CHD6: variants seen among roughly 807,000 people sequenced by gnomAD.
CHD6 encodes the protein ATP-dependent chromatin remodeler CHD6.
Under a neutral mutation model 276.9 loss-of-function variants are expected in CHD6, and 50 were observed. That is an observed-to-expected ratio of 0.18 (90% confidence interval 0.14 to 0.23). The LOEUF (loss-of-function observed/expected upper bound fraction) is 0.23, where lower values mean the gene tolerates loss of function less well. CHD6 is among the 10% of genes least tolerant of loss of function. The pLI, the probability that CHD6 is intolerant of heterozygous loss-of-function variation, is 1.00. For synonymous variants in CHD6, 1,173 were observed against 1,229.3 expected (o/e 0.95, Z 0.96); for missense variants, 2,564 against 3,365.8 (o/e 0.76, Z 5.89).
intron 1 of CHD6, among the ~76,000 whole-genome samples, chr20:41,606,307 C>T (rs2146296534): frequency 6.6e-6 from 1 of 152,176 alleles, no homozygotes; most frequent in East Asian, 1.9e-4. Context: ...GTCAGGAGAT[C>T]AAGACCACCC....
intron 1 of CHD6, among the ~76,000 whole-genome samples, chr20:41,615,568 G>A (rs1463089425): frequency 6.6e-6 from 1 of 152,190 alleles, no homozygotes; most frequent in African/African-American, 2.4e-5. Flanking sequence ...ACTATTTCAA[G>A]CCTTCTTATA....
intron 35 of CHD6, among the ~76,000 whole-genome samples, chr20:41,412,490 C>A (rs1467977572): frequency 1.3e-5 from 2 of 152,218 alleles, no homozygotes; most frequent in East Asian, 3.8e-4. Context: ...TGGGCACCCC[C>A]GCCCTCCAGA....
At chr20:41,454,982 G>T (rs2048339974) in intron 19 of CHD6, among the ~76,000 whole-genome samples, 1 of 152,140 alleles carries the variant, frequency 6.6e-6, no homozygotes, top group African/African-American at 2.4e-5. Context: ...CTTAAGCTTG[G>T]AAGCAGGAAG....
chr20:41,590,730 G>A (rs577554802), intron 1 of CHD6, among the ~76,000 whole-genome samples: 2 of 152,222 alleles, frequency 1.3e-5, no homozygotes, highest in African/African-American at 2.4e-5. Flanking sequence ...GAGAGGATGT[G>A]GAGAAATAGG....
rs778867616 is a variant in CHD6, at chr20:41,417,285, A to T, written c.6192T>A (p.Ile2064=). ...KSSTSGITGD[I]GDELQEARAP... is the part of the protein sequence containing the mutation. The stretch of plus-strand genomic sequence containing the variant: ...CTCGAGCCTCCTGTAGCTCATCCCC[A>T]ATGTCTCCTGTGATGCCCGATGTTG... Residue 2064 remains isoleucine (I), a synonymous_variant, in exon 32 of 37, where the codon ATT becomes ATA. Coordinates refer to ENST00000373233, the MANE Select transcript of CHD6 (RefSeq NM_032221.5). 6.2e-7 allele frequency: 1 copy of T among 1,614,090 alleles called. No individual in the cohort carries two copies. The highest frequency in any genetic ancestry group is 8.5e-7 in the Non-Finnish European group (1 of 1,179,994).
chr20:41,485,740 T>TA (rs1289298403), intron 14 of CHD6: 1 of 152,108 alleles, frequency 6.6e-6, no homozygotes, highest in African/African-American at 2.4e-5. Context: ...AAATTTTAGT[T>TA]AGACAAGTGG....
intron 1 of CHD6, among the ~76,000 whole-genome samples, chr20:41,554,970 C>T (rs2045201278): frequency 6.6e-6 from 1 of 151,414 alleles, no homozygotes; most frequent in African/African-American, 2.4e-5. Context: ...GGCAGAGGCG[C>T]CCCTCACCTC....
chr20:41,584,983 A>G (rs2045578432), intron 1 of CHD6, among the ~76,000 whole-genome samples: 1 of 152,226 alleles, frequency 6.6e-6, no homozygotes. Flanking sequence ...TAAGTCGTGA[A>G]AAGGAAAGAA....
intron 3 of CHD6, among the ~76,000 whole-genome samples, chr20:41,515,750 G>A (rs1173928022): frequency 6.6e-6 from 1 of 152,188 alleles, no homozygotes; most frequent in Non-Finnish European, 1.5e-5. Context: ...TGCTATCCTG[G>A]ATAAATGAGT....
At chr20:41,408,984 C>A (rs746422976) in intron 36 of CHD6, among the ~76,000 whole-genome samples, 17 of 152,240 alleles carry the variant, frequency 1.1e-4, no homozygotes, top group Non-Finnish European at 1.9e-4. Flanking sequence ...TCAAAAGCAT[C>A]CTTTCCCTGC....
intron 1 of CHD6, among the ~76,000 whole-genome samples, chr20:41,597,616 A>G (rs2045731311): frequency 2.0e-5 from 3 of 152,012 alleles, no homozygotes; most frequent in African/African-American, 7.2e-5. Context: ...GGGTTGACCC[A>G]CCATACCCGG....
At chr20:41,417,018 C>T (rs1373489879) in intron 32 of CHD6, among the ~76,000 whole-genome samples, 180 bp downstream of exon 32, 1 of 152,204 alleles carries the variant, frequency 6.6e-6, no homozygotes, top group Non-Finnish European at 1.5e-5. Flanking sequence ...CTTCATCTTA[C>T]AGTCGAATTA....
intron 3 of CHD6, among the ~76,000 whole-genome samples, chr20:41,528,354 G>A (rs1389578593): frequency 6.6e-6 from 1 of 152,102 alleles, no homozygotes; most frequent in African/African-American, 2.4e-5. Flanking sequence ...ATGTTTGTAT[G>A]TATACACATA....
intron 24 of CHD6, among the ~76,000 whole-genome samples, chr20:41,446,459 C>G (rs990862172): frequency 6.6e-6 from 1 of 152,174 alleles, no homozygotes; most frequent in African/African-American, 2.4e-5. Context: ...GTTTGGAGAG[C>G]TCACATAAAC....
intron 16 of CHD6, 64 bp downstream of exon 16, chr20:41,483,244 CA>C: frequency 8.5e-6 from 12 of 1,408,926 alleles, no homozygotes; most frequent in Admixed American, 2.7e-5. Flanking sequence ...TTGAATGGAT[CA>C]AAAAAATATC....
rs2044215681 is a variant in CHD6, at chr20:41,514,949, C to T, written c.558G>A (p.Lys186=). The T allele has an allele frequency of 6.2e-7, 1 of 1,613,632 alleles. No homozygotes were observed. The highest frequency in any genetic ancestry group is 1.7e-5 in the Admixed American group (1 of 59,956). The change falls in exon 4 of 37, where the codon AAG becomes AAA. Residue 186 remains lysine (K), a synonymous_variant. Transcript: ENST00000373233. The stretch of plus-strand genomic sequence containing the variant: ...TCTCCACTGGGGTTGGTCCTTGCTC[C>T]TTGCTACAAGGAGAAATTCAGAATT... ...AARTKSRKAS[K]EQGPTPVEKK...
chr20:41,495,606 T>C (rs2043664935), intron 8 of CHD6, among the ~76,000 whole-genome samples: 1 of 152,080 alleles, frequency 6.6e-6, no homozygotes, highest in Non-Finnish European at 1.5e-5. Context: ...AAATCTTAAG[T>C]GTTCTCACCC....
rs540149907 is a variant in CHD6, at chr20:41,493,465, G to A, written c.1314+73C>T. ...GAAACCACCTAGGAACAAGCCAGGT[G>A]GACTTCCATGATTGCAAAGTTCATA... is the stretch of plus-strand genomic sequence containing the variant. On this transcript the variant is annotated intron_variant, in intron 10 of 36. Transcript: ENST00000373233. 15 of 1,455,858 alleles carry A rather than the reference G, an allele frequency of 1.0e-5. No homozygotes were observed. In the Admixed American group the frequency reaches 1.8e-4, roughly 18 times the overall value. The allele number at this position is 1,455,858 out of a possible 1,614,324, so 90.2% of individuals were successfully genotyped here.
chr20:41,545,095 C>T (rs1454621101), intron 2 of CHD6, among the ~76,000 whole-genome samples: 2 of 152,108 alleles, frequency 1.3e-5, no homozygotes, highest in Non-Finnish European at 2.9e-5. Flanking sequence ...TCCGGATGTC[C>T]TTCTTTATAT....
Sources: gnomAD v4.1 joint callset for allele counts (sites outside exome capture counted in the v4.1 genomes callset) on GRCh38, gnomAD v4.1.1 for gene constraint, MANE v1.5 for transcripts, NCBI Gene and HGNC (gene_info 2026-07-23, HGNC 2026-07-21) for gene names.